Variants in OR51B5 observed in about 807,000 individuals in gnomAD.
OR51B5 encodes the protein olfactory receptor 51B5.
For synonymous variants in OR51B5, 186 were observed against 144.8 expected, an observed-to-expected ratio of 1.28 and a Z score of -2.04; for missense variants, 456 against 374.6, an observed-to-expected ratio of 1.22 and a Z score of -1.79.
chr11:5,486,149 A>G (rs35635754), intron 1 of OR51B5, among the ~76,000 whole-genome samples: 146,329 of 152,062 alleles, frequency 0.96, 70,433 homozygotes, highest in South Asian at 0.99. Flanking sequence ...CTGTTATTAA[A>G]CCTCTCAGTC....
intron 1 of OR51B5, among the ~76,000 whole-genome samples, chr11:5,413,108 C>A (rs576277615): frequency 2.0e-5 from 3 of 152,314 alleles, no homozygotes; most frequent in African/African-American, 7.2e-5. Flanking sequence ...AACGATCAGA[C>A]AGCAGCATTC....
chr11:5,477,547 C>A (rs1851330060), intron 1 of OR51B5, among the ~76,000 whole-genome samples: 1 of 152,194 alleles, frequency 6.6e-6, no homozygotes, highest in Non-Finnish European at 1.5e-5. Context: ...GTCTACAGCT[C>A]CCAGCATGAG....
intron 1 of OR51B5, among the ~76,000 whole-genome samples, chr11:5,365,136 A>G (rs1849345438): frequency 6.6e-6 from 1 of 152,224 alleles, no homozygotes; most frequent in South Asian, 2.1e-4. Flanking sequence ...ACAACTGCTA[A>G]ATAACTTTTC....
At chr11:5,460,198 A>G (rs374063823) in intron 1 of OR51B5, among the ~76,000 whole-genome samples, 10 of 152,336 alleles carry the variant, frequency 6.6e-5, no homozygotes, top group Non-Finnish European at 1.0e-4. Flanking sequence ...ATGAAAACAC[A>G]TGGACACAGA....
intron 1 of OR51B5, among the ~76,000 whole-genome samples, chr11:5,433,838 T>TG (rs969059523): frequency 6.8e-6 from 1 of 146,676 alleles, no homozygotes; most frequent in African/African-American, 2.5e-5. Flanking sequence ...CATCTAAAAA[T>TG]GAAAAAAAAA....
chr11:5,356,425 AAAAAAGAAT>A (rs1849196382), intron 1 of OR51B5, among the ~76,000 whole-genome samples: 1 of 150,874 alleles, frequency 6.6e-6, no homozygotes. Flanking sequence ...AAGTTTAGAG[AAAAAAGAAT>A]AAAAAGAAAT....
chr11:5,487,956 C>A (rs1348803798), intron 1 of OR51B5, among the ~76,000 whole-genome samples: 1 of 152,138 alleles, frequency 6.6e-6, no homozygotes. Flanking sequence ...ATAGGCACTT[C>A]AGATGATATA....
At chr11:5,351,667 C>T (rs866091442) in intron 1 of OR51B5, 1 of 1,614,142 alleles carries the variant, frequency 6.2e-7, no homozygotes, top group Non-Finnish European at 8.5e-7. Flanking sequence ...TCATAACCTC[C>T]ATGAGCCCAT....
In OR51B5 at chr11:5,417,434, A is replaced by C. The variant is rs61894098; in HGVS notation, n.85-70524T>G. On this transcript the variant is annotated intron_variant and non_coding_transcript_variant, in intron 1 of 4. Transcript: ENST00000415970. The stretch of plus-strand genomic sequence containing the variant: ...AAGCCAAAATTGACAAATGGGATCT[A>C]ATTAAACTAAAGATCTTCTGCGCAG... Among the ~76,000 whole-genome samples, 5,185 of 151,378 alleles carry C rather than the reference A, an allele frequency of 0.034. 423 individuals are homozygous for C. In the East Asian group the frequency reaches 0.38, roughly 11 times the overall value.
intron 1 of OR51B5, among the ~76,000 whole-genome samples, chr11:5,450,842 A>G (rs559391747): frequency 1.9e-4 from 29 of 152,094 alleles, no homozygotes; most frequent in Non-Finnish European, 4.0e-4. Flanking sequence ...TTCCTGTGTT[A>G]ATTTGCTGAG....
intron 1 of OR51B5, among the ~76,000 whole-genome samples, chr11:5,426,799 A>G (rs1266990450): frequency 1.3e-5 from 2 of 152,182 alleles, no homozygotes; most frequent in Non-Finnish European, 2.9e-5. Flanking sequence ...GATTACAGAA[A>G]GTACCTCCAG....
At chr11:5,491,703 G>A (rs143670945) in intron 1 of OR51B5, among the ~76,000 whole-genome samples, 2 of 152,316 alleles carry the variant, frequency 1.3e-5, no homozygotes, top group East Asian at 3.9e-4. Flanking sequence ...TTGAAGTAAA[G>A]CAATGCAAAT....
chr11:5,359,833 A>C (rs1849253634), intron 1 of OR51B5, among the ~76,000 whole-genome samples: 1 of 152,088 alleles, frequency 6.6e-6, no homozygotes, highest in Non-Finnish European at 1.5e-5. Context: ...CCTCAGAAAT[A>C]ATGCCGCATG....
At chr11:5,490,268 T>C (rs1368215225) in intron 1 of OR51B5, among the ~76,000 whole-genome samples, 1 of 152,192 alleles carries the variant, frequency 6.6e-6, no homozygotes, top group Non-Finnish European at 1.5e-5. Context: ...ATGTACTCAA[T>C]AAATGAATAT....
intron 1 of OR51B5, among the ~76,000 whole-genome samples, chr11:5,384,381 C>T (rs1466706297): frequency 1.2e-3 from 184 of 152,276 alleles, no homozygotes; most frequent in African/African-American, 4.2e-3. Flanking sequence ...GTCTTAGAAA[C>T]CAGGGTTCTC....
chr11:5,449,528 T>C (rs923712228), intron 1 of OR51B5, among the ~76,000 whole-genome samples: 3 of 152,188 alleles, frequency 2.0e-5, no homozygotes, highest in Non-Finnish European at 4.4e-5. Context: ...GCAGGAAAGA[T>C]CTCTGGACTT....
intron 1 of OR51B5, among the ~76,000 whole-genome samples, chr11:5,356,205 G>A (rs1018058360): frequency 1.3e-5 from 2 of 152,004 alleles, no homozygotes; most frequent in African/African-American, 4.8e-5. Flanking sequence ...TCGAACCCAT[G>A]GCAAAAAAGT....
At position 5,485,152 on chromosome 11, in the gene OR51B5, C is replaced by A. The variant is rs548778548; in HGVS notation, n.84+20417G>T. Among the ~76,000 whole-genome samples, 200 of 152,222 alleles carry A rather than the reference C, an allele frequency of 1.3e-3. 7 individuals are homozygous for A. The South Asian group carries it at 0.041, about 31-fold the overall frequency. ...AAAGGTGATGGAAGGTAGATCTCTG[C>A]TGTTCTCCCCTTCACTCTTAGCCCA... is the stretch of plus-strand genomic sequence containing the variant. On this transcript the variant is annotated intron_variant and non_coding_transcript_variant, in intron 1 of 4. Transcript: ENST00000415970.
intron 1 of OR51B5, among the ~76,000 whole-genome samples, chr11:5,438,728 G>A (rs974418188): frequency 2.6e-5 from 4 of 152,110 alleles, no homozygotes; most frequent in African/African-American, 4.8e-5. Flanking sequence ...ATCTCAAGAC[G>A]AGGGCTTATT....
Sources: gnomAD v4.1 joint callset for allele counts (sites outside exome capture counted in the v4.1 genomes callset) on GRCh38, gnomAD v4.1.1 for gene constraint, MANE v1.5 for transcripts, NCBI Gene and HGNC (gene_info 2026-07-23, HGNC 2026-07-21) for gene names.